The following ARHGEF4 variants were observed in gnomAD, a reference collection of about 807,000 sequenced individuals.
The protein encoded by ARHGEF4 is Rho guanine nucleotide exchange factor 4.
In ARHGEF4, 119 loss-of-function variants were observed where a neutral mutation model predicts 162.0. That is an observed-to-expected ratio of 0.73 (90% CI 0.63 to 0.86). ARHGEF4 has a LOEUF of 0.86. ARHGEF4 is among the 40% of genes least tolerant of loss of function. The pLI, the probability that ARHGEF4 is intolerant of heterozygous loss-of-function variation, is 0.00. For synonymous variants in ARHGEF4, 1,014 were observed against 979.9 expected, an observed-to-expected ratio of 1.03 and a Z score of -0.65; for missense variants, 2,488 against 2,456.0, an observed-to-expected ratio of 1.01 and a Z score of -0.28.
intron 4 of ARHGEF4, among the ~76,000 whole-genome samples, chr2:130,980,181 G>T (rs1041701070): frequency 3.3e-5 from 5 of 152,122 alleles, no homozygotes; most frequent in African/African-American, 1.2e-4. Flanking sequence ...TGGATCACTT[G>T]AGCTCAGGAG....
intron 3 of ARHGEF4, among the ~76,000 whole-genome samples, chr2:130,941,740 G>T (rs568876426): frequency 6.6e-6 from 1 of 152,268 alleles, no homozygotes; most frequent in East Asian, 1.9e-4. Flanking sequence ...TGTCATAAAG[G>T]TCTTCATCCT....
intron 1 of ARHGEF4, among the ~76,000 whole-genome samples, chr2:130,878,515 A>G (rs1679003092): frequency 6.6e-6 from 1 of 152,194 alleles, no homozygotes; most frequent in Non-Finnish European, 1.5e-5. Context: ...AGCTGAGGAC[A>G]GTCCCTTCCT....
chr2:130,883,915 A>G (rs1679349635), intron 1 of ARHGEF4, among the ~76,000 whole-genome samples: 2 of 152,102 alleles, frequency 1.3e-5, no homozygotes, highest in Admixed American at 6.5e-5. Flanking sequence ...ATGGAATAAT[A>G]GGTATCTTTT....
intron 5 of ARHGEF4, 69 bp from the exon 6 acceptor site, chr2:131,038,784 G>A: frequency 6.6e-7 from 1 of 1,505,872 alleles, no homozygotes; most frequent in East Asian, 2.3e-5. Context: ...CTGAGGGAGT[G>A]GAGACAGAGA....
chr2:130,843,775 C>G (rs1001106104), intron 1 of ARHGEF4, among the ~76,000 whole-genome samples: 1 of 152,226 alleles, frequency 6.6e-6, no homozygotes, highest in Non-Finnish European at 1.5e-5. Context: ...GAGGGCAGGG[C>G]CAGGGTTTGG....
At chr2:130,881,412 T>TG (rs1239156962) in intron 1 of ARHGEF4, among the ~76,000 whole-genome samples, 6 of 152,094 alleles carry the variant, frequency 3.9e-5, no homozygotes, top group Admixed American at 3.3e-4. Flanking sequence ...AGATTAGTGT[T>TG]GGGGGAGAGA....
At chr2:130,868,120 T>A (rs1172922936) in intron 1 of ARHGEF4, among the ~76,000 whole-genome samples, 3 of 151,642 alleles carry the variant, frequency 2.0e-5, no homozygotes, top group Non-Finnish European at 4.4e-5. Context: ...AGAGATGGGG[T>A]TTCACCATGT....
At chr2:131,030,603 C>T (rs976291714) in intron 5 of ARHGEF4, among the ~76,000 whole-genome samples, 1 of 152,230 alleles carries the variant, frequency 6.6e-6, no homozygotes, top group Non-Finnish European at 1.5e-5. Flanking sequence ...GAGGCTGGCT[C>T]CTGTCCCAGA....
intron 5 of ARHGEF4, among the ~76,000 whole-genome samples, chr2:131,037,203 G>A (rs926033085): frequency 6.6e-6 from 1 of 152,214 alleles, no homozygotes; most frequent in Non-Finnish European, 1.5e-5. Context: ...GTCACTCTGA[G>A]GAGAGCGTCC....
In ARHGEF4 at chr2:130,914,455, G is replaced by T; in HGVS notation, c.509G>T (p.Arg170Leu). Reference sequence around the variant, plus strand: ...TGGGACTGCGCGACCAGCCTGGAGCGAGAGTCTTTGCTGGCAGGGGTTCCC... The same window carrying T: ...TGGGACTGCGCGACCAGCCTGGAGCTAGAGTCTTTGCTGGCAGGGGTTCCC... ...HLWDCATSLE[R>L]ESLLAGVPRH... The change falls in exon 2 of 14, where the codon CGA becomes CTA. Residue 170 changes from arginine to leucine, a missense_variant. Coordinates refer to ENST00000409359, the MANE Select transcript of ARHGEF4 (RefSeq NM_001367493.1). 2 of 1,433,926 alleles carry T rather than the reference G, an allele frequency of 1.4e-6. No homozygotes were observed. The highest frequency in any genetic ancestry group is 9.1e-7 in the Non-Finnish European group (1 of 1,099,694). 88.8% of individuals were successfully genotyped at this position (1,433,926 alleles called of 1,614,324 possible).
chr2:130,847,366 A>G (rs1238399985), intron 1 of ARHGEF4, among the ~76,000 whole-genome samples: 1 of 152,210 alleles, frequency 6.6e-6, no homozygotes, highest in Non-Finnish European at 1.5e-5. Flanking sequence ...TTGAGCCCTC[A>G]TGGGCACCCA....
intron 13 of ARHGEF4, 142 bp from the exon 14 acceptor site, chr2:131,045,896 A>C (rs1691211788): frequency 1.3e-6 from 2 of 1,492,252 alleles, no homozygotes; most frequent in Non-Finnish European, 1.8e-6. Context: ...TCAGCTCTCC[A>C]GGAGCAAGTC....
At chr2:130,837,282 G>T (rs72990397) in intron 1 of ARHGEF4, among the ~76,000 whole-genome samples, 1,983 of 152,230 alleles carry the variant, frequency 0.013, 48 homozygotes, top group African/African-American at 0.045. Context: ...CGCCTGAGCC[G>T]GCCTCCCCGC....
chr2:131,025,161 C>T (rs929031766), intron 4 of ARHGEF4, among the ~76,000 whole-genome samples: 27 of 152,266 alleles, frequency 1.8e-4, no homozygotes, highest in Admixed American at 1.6e-3. Flanking sequence ...ACAGGGAGGC[C>T]TCAGGAAACT....
At chr2:130,838,467 G>A (rs1418311449) in intron 1 of ARHGEF4, among the ~76,000 whole-genome samples, 1 of 152,158 alleles carries the variant, frequency 6.6e-6, no homozygotes, top group African/African-American at 2.4e-5. Context: ...TCAGCCGGGC[G>A]CGGTAGTGGG....
chr2:130,995,577 T>C (rs538671680), intron 4 of ARHGEF4, among the ~76,000 whole-genome samples: 2 of 152,362 alleles, frequency 1.3e-5, no homozygotes, highest in Non-Finnish European at 2.9e-5. Context: ...GAATAAAGTA[T>C]CTGCAGAATA....
intron 4 of ARHGEF4, among the ~76,000 whole-genome samples, chr2:130,968,744 C>G (rs531158266): frequency 6.6e-6 from 1 of 151,982 alleles, no homozygotes; most frequent in African/African-American, 2.4e-5. Context: ...ATAGTGAAAC[C>G]CCGTCTCTAC....
chr2:131,041,246 T>G lies in ARHGEF4; in HGVS notation c.4679T>G (p.Ile1560Ser). 6.2e-7 allele frequency: 1 copy of G among 1,613,644 alleles called. No homozygotes were observed. The highest frequency in any genetic ancestry group is 1.7e-5 in the Admixed American group (1 of 60,006). ...CFLEHQADFQ[I>S]YSEYCNNHPN... ...GCCCCTTAGCAAGCCGACTTCCAGA[T>G]CTACTCGGAGTACTGCAATAACCAC... Residue 1560 changes from isoleucine (I) to serine (S), a missense_variant, in exon 9 of 14, where the codon ATC (isoleucine) becomes AGC (serine). Transcript: ENST00000409359.
At chr2:130,840,680 C>T (rs1680543790) in intron 1 of ARHGEF4, among the ~76,000 whole-genome samples, 1 of 152,140 alleles carries the variant, frequency 6.6e-6, no homozygotes, top group African/African-American at 2.4e-5. Flanking sequence ...AGTGGGCTGC[C>T]ACGAGGTGGA....
Sources: gnomAD v4.1 joint callset for allele counts (sites outside exome capture counted in the v4.1 genomes callset) on GRCh38, gnomAD v4.1.1 for gene constraint, MANE v1.5 for transcripts, NCBI Gene and HGNC (gene_info 2026-07-23, HGNC 2026-07-21) for gene names.